The following ASTN1 variants were observed in gnomAD, a reference collection of about 807,000 sequenced individuals.
ASTN1 encodes the protein astrotactin-1.
In ASTN1, 41 loss-of-function variants were observed where a neutral mutation model predicts 140.7. The ratio of observed to expected loss-of-function variants is 0.29; its 90% confidence interval spans 0.23 to 0.38. The LOEUF (loss-of-function observed/expected upper bound fraction) is 0.38, where lower values mean the gene tolerates loss of function less well. Ranked by LOEUF, ASTN1 falls within the 10% of genes least tolerant of loss-of-function variation. The pLI, the probability that ASTN1 is intolerant of heterozygous loss-of-function variation, is 1.00. For missense variants in ASTN1, 1,479 were observed against 1,678.8 expected (o/e 0.88, Z 2.08); for synonymous variants, 640 against 652.2 (o/e 0.98, Z 0.29).
chr1:176,953,271 G>C (rs1346762195), intron 11 of ASTN1, among the ~76,000 whole-genome samples: 1 of 152,208 alleles, frequency 6.6e-6, no homozygotes, highest in Non-Finnish European at 1.5e-5. Context: ...GTTGGGAGAT[G>C]AGTATGAGAG....
chr1:177,073,069 G>A (rs1446658526), intron 1 of ASTN1, among the ~76,000 whole-genome samples: 1 of 152,144 alleles, frequency 6.6e-6, no homozygotes, highest in Non-Finnish European at 1.5e-5. Context: ...TGGAATGAAT[G>A]GATGATTCAC....
At chr1:177,045,016 C>T (rs745773434) in intron 2 of ASTN1, among the ~76,000 whole-genome samples, 5 of 151,892 alleles carry the variant, frequency 3.3e-5, no homozygotes, top group African/African-American at 7.3e-5. Flanking sequence ...TTTTTTCTGC[C>T]TATCCCTGAA....
At chr1:176,932,474 A>C (rs1671249890) in intron 16 of ASTN1, among the ~76,000 whole-genome samples, 1 of 152,124 alleles carries the variant, frequency 6.6e-6, no homozygotes, top group Non-Finnish European at 1.5e-5. Context: ...CAGACTAAAG[A>C]GGAGAACACA....
chr1:177,144,035 T>C (rs1682591640), intron 1 of ASTN1, among the ~76,000 whole-genome samples: 1 of 152,172 alleles, frequency 6.6e-6, no homozygotes, highest in Non-Finnish European at 1.5e-5. Flanking sequence ...ACAAATGTCT[T>C]TTCTTTGCCT....
rs550183130 is a variant in ASTN1, at chr1:177,044,648, G to A, written c.472-11799C>T. Among the ~76,000 whole-genome samples, 64 of 152,324 alleles carry A rather than the reference G, an allele frequency of 4.2e-4. 1 individual carries two copies. Among genetic ancestry groups the A allele is most frequent in the Admixed American group, 3.5e-3 (53 of 15,304 alleles). On this transcript the variant is annotated intron_variant, in intron 2 of 22. Coordinates refer to ENST00000361833, the MANE Select transcript of ASTN1 (RefSeq NM_004319.3). ...GTTTTGATTTGCTGATGAGTGGCTC[G>A]ATCATGCAGGGAATCCATAGGTCAG...
At chr1:176,997,091 A>G (rs1674491031) in intron 8 of ASTN1, among the ~76,000 whole-genome samples, 1 of 152,174 alleles carries the variant, frequency 6.6e-6, no homozygotes, top group Non-Finnish European at 1.5e-5. Flanking sequence ...AGGGGTTACA[A>G]TGCATGATGC....
rs548525090 is a variant in ASTN1, at chr1:177,088,965, G to A, written c.284-27700C>T. Among the ~76,000 whole-genome samples the A allele has an allele frequency of 1.7e-4, 26 of 152,172 alleles. 1 individual carries two copies. In the East Asian group the frequency reaches 4.8e-3, roughly 28 times the overall value. On this transcript the variant is annotated intron_variant, in intron 1 of 22. Transcript: ENST00000361833. ...TCATCTGATATGAACTACTTCACCT[G>A]GCTCGGGGGCAGGGAAAGTCATATC...
At chr1:177,041,825 G>A (rs997954918) in intron 2 of ASTN1, among the ~76,000 whole-genome samples, 6 of 152,166 alleles carry the variant, frequency 3.9e-5, no homozygotes, top group Admixed American at 2.6e-4. Flanking sequence ...CTCAAAGTCA[G>A]GCAGCCCAGC....
At chr1:177,029,216 C>T (rs188742947) in intron 5 of ASTN1, 2 of 430,428 alleles carry the variant, frequency 4.6e-6, no homozygotes, top group Non-Finnish European at 9.5e-6. Context: ...TACACTGCCC[C>T]CAATCCTTGC....
At chr1:176,925,351 A>G (rs964085685) in intron 16 of ASTN1, among the ~76,000 whole-genome samples, 1 of 152,222 alleles carries the variant, frequency 6.6e-6, no homozygotes, top group African/African-American at 2.4e-5. Flanking sequence ...TAGACTTGTT[A>G]TACAAAATGT....
intron 16 of ASTN1, among the ~76,000 whole-genome samples, chr1:176,927,792 T>C (rs139606193): frequency 6.6e-6 from 1 of 152,352 alleles, no homozygotes; most frequent in Non-Finnish European, 1.5e-5. Flanking sequence ...TTGTTATCAG[T>C]TACCTCAGTG....
chr1:177,068,730 A>G (rs1571736399), intron 1 of ASTN1, among the ~76,000 whole-genome samples: 1 of 151,978 alleles, frequency 6.6e-6, no homozygotes, highest in Non-Finnish European at 1.5e-5. Flanking sequence ...TTTTTTCTGT[A>G]TGGCACCTGG....
chr1:177,045,428 TG>T (rs1404484299), intron 2 of ASTN1, among the ~76,000 whole-genome samples: 2 of 152,208 alleles, frequency 1.3e-5, no homozygotes, highest in Non-Finnish European at 2.9e-5. Context: ...TTCACACTAT[TG>T]GTCAGTTCAG....
chr1:177,102,107 C>T (rs1211573010), intron 1 of ASTN1, among the ~76,000 whole-genome samples: 1 of 152,146 alleles, frequency 6.6e-6, no homozygotes, highest in African/African-American at 2.4e-5. Flanking sequence ...CAGGAACATA[C>T]ATCATTTTGG....
At chr1:177,153,079 G>GTCCT (rs1683106488) in intron 1 of ASTN1, among the ~76,000 whole-genome samples, 1 of 152,102 alleles carries the variant, frequency 6.6e-6, no homozygotes, top group Admixed American at 6.6e-5. Flanking sequence ...ATTAAAATTT[G>GTCCT]ATCCCCAATG....
chr1:176,992,175 G>A (rs1252452540), intron 8 of ASTN1, among the ~76,000 whole-genome samples: 1 of 152,006 alleles, frequency 6.6e-6, no homozygotes, highest in African/African-American at 2.4e-5. Context: ...ATGCAGAGTT[G>A]GGAACCATGG....
At chr1:176,934,104 C>T (rs547989157) in intron 16 of ASTN1, 48 bp downstream of exon 16, 3 of 1,534,118 alleles carry the variant, frequency 2.0e-6, no homozygotes, top group South Asian at 2.5e-5. Flanking sequence ...ATGCAGGTAG[C>T]CAGTACTGGC....
Position 176,894,216 on chromosome 1 carries a change from T to A in ASTN1, c.2940+346A>T, listed in dbSNP as rs556548116. On this transcript the variant is annotated intron_variant, in intron 17 of 22. Coordinates refer to ENST00000361833, the MANE Select transcript of ASTN1 (RefSeq NM_004319.3). ...CAAGCCAACCAGAGTGAGGCAGAAC[T>A]GAGCATCCTCCCCACAACTGTCCCC... 7.0e-4 allele frequency among the ~76,000 whole-genome samples: 107 copies of A among 152,156 alleles called. No homozygotes were observed. In the Middle Eastern group the frequency reaches 0.014, roughly 19 times the overall value.
intron 8 of ASTN1, among the ~76,000 whole-genome samples, chr1:177,008,191 T>G (rs1182734460): frequency 6.6e-6 from 1 of 152,068 alleles, no homozygotes; most frequent in Non-Finnish European, 1.5e-5. Flanking sequence ...GGTTTTTTTG[T>G]TTTTTTCCTT....
Sources: allele counts gnomAD v4.1 joint callset (sites outside exome capture counted in the v4.1 genomes callset), GRCh38; gene constraint gnomAD v4.1.1; transcripts MANE v1.5; gene names NCBI Gene and HGNC (gene_info 2026-07-23, HGNC 2026-07-21).